The following CSMD2 variants were observed in gnomAD, a reference collection of about 807,000 sequenced individuals.
The protein encoded by CSMD2 is CUB and Sushi multiple domains 2, also known as CUB and sushi domain-containing protein 2.
A neutral mutation model predicts 398.5 loss-of-function variants in CSMD2; 130 were observed. The ratio of observed to expected loss-of-function variants is 0.33; its 90% CI spans 0.28 to 0.38. The LOEUF is 0.38. Ranked by LOEUF, CSMD2 falls within the 10% of genes least tolerant of loss-of-function variation. The probability of loss-of-function intolerance (pLI) is 1.00; values close to 1 mark genes in which losing one functional copy is unlikely to be tolerated. For synonymous variants in CSMD2, 1,828 were observed against 1,908.5 expected (o/e 0.96, Z 1.10); for missense variants, 3,829 against 4,764.9 (o/e 0.80, Z 5.78).
chr1:33,927,369 C>T (rs1644162543), intron 4 of CSMD2, among the ~76,000 whole-genome samples: 1 of 152,178 alleles, frequency 6.6e-6, no homozygotes, highest in African/African-American at 2.4e-5. Context: ...AGGTATCCTT[C>T]TGAGGGGAAG....
At chr1:33,517,825 G>A (rs1483871850) in intron 70 of CSMD2, among the ~76,000 whole-genome samples, 1 of 152,210 alleles carries the variant, frequency 6.6e-6, no homozygotes, top group Non-Finnish European at 1.5e-5. Flanking sequence ...CAGGAGTTGT[G>A]AGGCAGAAAG....
Position 34,164,553 on chromosome 1 carries a change from G to A in CSMD2, c.187+358C>T, listed in dbSNP as rs558424792. Among the ~76,000 whole-genome samples the A allele has an allele frequency of 7.9e-5, 12 of 152,044 alleles. No individual in the cohort carries two copies. The highest frequency in any genetic ancestry group is 1.5e-4 in the Non-Finnish European group (10 of 68,010). On this transcript the variant is annotated intron_variant, in intron 1 of 70. Transcript: ENST00000373381. The surrounding 1 kb of genome is among the most constrained non-coding windows in gnomAD (Gnocchi z 6.2). ...GAGTAGGGCTCCCGGAAAGTTTATC[G>A]GGAAAAAGCCTAGCACCGTGGGGGC...
chr1:33,779,576 C>A (rs1037353137), intron 12 of CSMD2, among the ~76,000 whole-genome samples: 50 of 152,176 alleles, frequency 3.3e-4, no homozygotes, highest in African/African-American at 1.2e-3. Flanking sequence ...TAACGTGGCA[C>A]CTGCCATCCT....
At chr1:34,126,400 A>G (rs1029483580) in intron 1 of CSMD2, among the ~76,000 whole-genome samples, 3 of 152,168 alleles carry the variant, frequency 2.0e-5, no homozygotes, top group Admixed American at 1.3e-4. Flanking sequence ...GCTAGGCAGA[A>G]CCCAAGGATC....
chr1:33,971,705 T>C (rs1267885667), intron 3 of CSMD2, among the ~76,000 whole-genome samples: 1 of 152,176 alleles, frequency 6.6e-6, no homozygotes, highest in Non-Finnish European at 1.5e-5. Flanking sequence ...TCAAGTGCCT[T>C]CGGCAGGTTG....
intron 2 of CSMD2, among the ~76,000 whole-genome samples, chr1:34,082,878 G>A (rs376195886): frequency 3.9e-5 from 6 of 152,040 alleles, no homozygotes; most frequent in South Asian, 2.1e-4. Context: ...CAGCATGCTC[G>A]TTAAGAGTCA....
Position 34,164,039 on chromosome 1 carries a change from C to G in CSMD2, c.187+872G>C, listed in dbSNP as rs1336346833. On this transcript the variant is annotated intron_variant, in intron 1 of 70. Coordinates refer to ENST00000373381, the MANE Select transcript of CSMD2 (RefSeq NM_001281956.2). The surrounding 1 kb of genome is among the most constrained non-coding windows in gnomAD (Gnocchi z 6.2). ...AGATCTGCCCCTTCCCGGACTCGGT[C>G]GTCGGGAGCTGGTCCCGCCGCCCGC... Among the ~76,000 whole-genome samples, 1 of 152,128 alleles carries G rather than the reference C, an allele frequency of 6.6e-6. No homozygotes were observed. Among genetic ancestry groups the G allele is most frequent in the African/African-American group, 2.4e-5 (1 of 41,446 alleles).
At chr1:33,580,115 C>T (rs375321695) in intron 48 of CSMD2, among the ~76,000 whole-genome samples, 3 of 152,322 alleles carry the variant, frequency 2.0e-5, no homozygotes, top group South Asian at 2.1e-4. Flanking sequence ...TTTCTGCCTC[C>T]AAGCTTGCGG....
At chr1:33,523,632 A>G (rs1213799839) in intron 66 of CSMD2, among the ~76,000 whole-genome samples, 8 of 152,182 alleles carry the variant, frequency 5.3e-5, no homozygotes, top group African/African-American at 1.4e-4. Context: ...TAATATATGC[A>G]TATGTATGTT....
chr1:33,829,810 C>G (rs1483313590), intron 6 of CSMD2, among the ~76,000 whole-genome samples: 1 of 151,364 alleles, frequency 6.6e-6, no homozygotes, highest in East Asian at 2.0e-4. Flanking sequence ...CACCCGAATA[C>G]TGCGCTTTTC....
chr1:34,030,614 G>C (rs1180617322), intron 3 of CSMD2, among the ~76,000 whole-genome samples: 1 of 152,174 alleles, frequency 6.6e-6, no homozygotes, highest in African/African-American at 2.4e-5. Flanking sequence ...ATTTCCAGGT[G>C]ACAGTGTCTG....
intron 52 of CSMD2, among the ~76,000 whole-genome samples, chr1:33,568,118 C>CA (rs1450190626): frequency 6.8e-6 from 1 of 147,686 alleles, no homozygotes; most frequent in Non-Finnish European, 1.5e-5. Flanking sequence ...CAACCAGATA[C>CA]AAAAAAGCCT....
At chr1:34,009,287 C>T (rs140082048) in intron 3 of CSMD2, among the ~76,000 whole-genome samples, 1 of 151,728 alleles carries the variant, frequency 6.6e-6, no homozygotes, top group East Asian at 1.9e-4. Flanking sequence ...TAAGAGGTGA[C>T]CAGACACCCT....
intron 2 of CSMD2, among the ~76,000 whole-genome samples, chr1:34,052,967 G>A (rs928252297): frequency 6.6e-6 from 1 of 152,126 alleles, no homozygotes; most frequent in African/African-American, 2.4e-5. Flanking sequence ...GGGACAAAGA[G>A]CAAGCTGGTG....
At chr1:34,081,446 G>A (rs972703484) in intron 2 of CSMD2, among the ~76,000 whole-genome samples, 3 of 123,642 alleles carry the variant, frequency 2.4e-5, no homozygotes, top group Admixed American at 2.0e-4. Flanking sequence ...TTCGTCTCCC[G>A]CTTTCCATGG....
At chr1:33,800,842 G>A (rs996357235) in intron 10 of CSMD2, among the ~76,000 whole-genome samples, 8 of 152,220 alleles carry the variant, frequency 5.3e-5, no homozygotes, top group African/African-American at 1.2e-4. Context: ...TGGACTTGAG[G>A]AGGCTATTAA....
chr1:33,965,280 G>A (rs145416472), intron 3 of CSMD2, among the ~76,000 whole-genome samples: 26 of 152,350 alleles, frequency 1.7e-4, no homozygotes, highest in African/African-American at 5.5e-4. Context: ...TTATGGTGAT[G>A]TGTCTTCCCT....
At chr1:33,749,720 T>C (rs2149270356) in intron 13 of CSMD2, among the ~76,000 whole-genome samples, 1 of 152,246 alleles carries the variant, frequency 6.6e-6, no homozygotes, top group African/African-American at 2.4e-5. Flanking sequence ...ATAATCCAAC[T>C]ATAAAAGAAT....
intron 29 of CSMD2, among the ~76,000 whole-genome samples, chr1:33,641,034 T>C (rs1226016214): frequency 6.6e-6 from 1 of 152,198 alleles, no homozygotes; most frequent in East Asian, 1.9e-4. Flanking sequence ...CTCTTCCCTC[T>C]GAAACGCCCC....
Sources: allele counts gnomAD v4.1 joint callset (sites outside exome capture counted in the v4.1 genomes callset), GRCh38; gene constraint gnomAD v4.1.1; non-coding constraint Gnocchi (gnomAD v3.1); transcripts MANE v1.5; gene names NCBI Gene and HGNC (gene_info 2026-07-23, HGNC 2026-07-21).